The following GLIS3 variants were observed in gnomAD, a reference collection of about 807,000 sequenced individuals.
GLIS3 encodes the protein GLIS family zinc finger 3.
GLIS3 carries 53 observed loss-of-function variants against 78.6 expected under a neutral mutation model. The ratio of observed to expected loss-of-function variants is 0.67; its 90% confidence interval spans 0.54 to 0.85. The LOEUF (loss-of-function observed/expected upper bound fraction) is 0.85, where lower values mean the gene tolerates loss of function less well. Ranked by LOEUF, GLIS3 falls within the 40% of genes least tolerant of loss-of-function variation. The pLI is 0.00. For missense variants in GLIS3, 1,703 were observed against 1,231.1 expected (o/e 1.38, Z -5.74); for synonymous variants, 684 against 509.9 (o/e 1.34, Z -4.60).
the GLIS3 span, among the ~76,000 whole-genome samples, chr9:4,376,344 G>C: frequency 6.6e-6 from 1 of 152,184 alleles, no homozygotes; most frequent in Non-Finnish European, 1.5e-5. Context: ...TTCAGAGGCT[G>C]AAGATTGTTT....
intron 2 of GLIS3, among the ~76,000 whole-genome samples, chr9:4,208,438 G>C (rs993568720): frequency 3.3e-5 from 5 of 152,206 alleles, no homozygotes; most frequent in Non-Finnish European, 5.9e-5. Flanking sequence ...ACAGCTTCCA[G>C]AGAGTGGTCT....
intron 2 of GLIS3, among the ~76,000 whole-genome samples, chr9:4,220,914 G>C (rs1821277705): frequency 1.3e-5 from 2 of 152,102 alleles, no homozygotes; most frequent in Admixed American, 6.6e-5. Context: ...AAGCCCAGGA[G>C]GTGGAGGTTG....
At chr9:4,300,208 TCACACACACACACACACACA>T (rs35733770), upstream of GLIS3, among the ~76,000 whole-genome samples, 188 of 143,050 alleles carry the variant, frequency 1.3e-3, 3 homozygotes, top group African/African-American at 3.7e-3. Context: ...CTTGACGCAT[TCACACACACACACACACACA>T]CACACACACA....
rs989852600 is a variant in GLIS3, at chr9:4,198,388, C to A, written c.389-72447G>T. Reference sequence around the variant, plus strand: ...TAATTCTAACTCTAGAAGTAGAAAACTCACTTAAGGAATTACAAAATACAA... The same window carrying A: ...TAATTCTAACTCTAGAAGTAGAAAAATCACTTAAGGAATTACAAAATACAA... On this transcript the variant is annotated intron_variant, in intron 2 of 10. Coordinates refer to ENST00000381971, the MANE Select transcript of GLIS3 (RefSeq NM_001042413.2). Among the ~76,000 whole-genome samples, 6 of 152,150 alleles carry A rather than the reference C, an allele frequency of 3.9e-5. No individual in the cohort carries two copies. In the South Asian group the frequency reaches 1.2e-3, roughly 32 times the overall value.
intron 4 of GLIS3, among the ~76,000 whole-genome samples, chr9:4,111,435 A>G (rs934024583): frequency 6.6e-6 from 1 of 152,244 alleles, no homozygotes. Flanking sequence ...GACAAAGTTC[A>G]TGAAAGGTCA....
At chr9:4,150,000 G>A (rs1348608272) in intron 2 of GLIS3, among the ~76,000 whole-genome samples, 1 of 152,186 alleles carries the variant, frequency 6.6e-6, no homozygotes, top group Non-Finnish European at 1.5e-5. Context: ...ATATATGTTA[G>A]GAATATAAGA....
At chr9:4,294,399 C>G (rs888959255) in intron 1 of GLIS3, among the ~76,000 whole-genome samples, 6 of 152,054 alleles carry the variant, frequency 3.9e-5, no homozygotes, top group African/African-American at 1.4e-4. Flanking sequence ...ATCCCAACTA[C>G]TTGGGAGGCT....
the GLIS3 span, among the ~76,000 whole-genome samples, chr9:4,430,580 A>G: frequency 6.6e-6 from 1 of 152,370 alleles, no homozygotes; most frequent in East Asian, 1.9e-4. Flanking sequence ...GTTAATTTAT[A>G]ACTGGCTTTA....
At chr9:4,304,952 T>C (rs959444745), upstream of GLIS3, among the ~76,000 whole-genome samples, 11 of 152,186 alleles carry the variant, frequency 7.2e-5, no homozygotes, top group Non-Finnish European at 1.5e-4. Flanking sequence ...AAATGACCAA[T>C]TGCCCCCAAA....
At chr9:4,425,694 G>A in the GLIS3 span, among the ~76,000 whole-genome samples, 3 of 152,212 alleles carry the variant, frequency 2.0e-5, no homozygotes, top group Non-Finnish European at 4.4e-5. Flanking sequence ...AGAAGCTCCA[G>A]TTCCTGCTGA....
chr9:4,127,390 A>C (rs1832652389), intron 2 of GLIS3, among the ~76,000 whole-genome samples: 1 of 152,170 alleles, frequency 6.6e-6, no homozygotes, highest in African/African-American at 2.4e-5. Flanking sequence ...TTTCTTTCCC[A>C]GATACATAAA....
chr9:4,452,582 G>A, the GLIS3 span, among the ~76,000 whole-genome samples: 8 of 151,996 alleles, frequency 5.3e-5, no homozygotes, highest in Non-Finnish European at 8.8e-5. Flanking sequence ...GCTACAAAGA[G>A]GACAAAATAC....
intron 4 of GLIS3, among the ~76,000 whole-genome samples, chr9:4,096,842 T>C (rs1829991411): frequency 6.6e-6 from 1 of 151,974 alleles, no homozygotes; most frequent in South Asian, 2.1e-4. Context: ...CAAAATTCCG[T>C]CTCTACTAAA....
At chr9:3,865,041 G>A (rs1262306625) in intron 8 of GLIS3, among the ~76,000 whole-genome samples, 1 of 152,124 alleles carries the variant, frequency 6.6e-6, no homozygotes, top group East Asian at 1.9e-4. Flanking sequence ...TATTATATTT[G>A]CACAGCTTCT....
chr9:3,899,901 C>T (rs7031649), intron 6 of GLIS3, among the ~76,000 whole-genome samples: 20,934 of 151,932 alleles, frequency 0.14, 1,657 homozygotes, highest in Non-Finnish European at 0.17. Context: ...TGCGGAGAAG[C>T]GAGACAGTGA....
At chr9:4,336,984 C>G (rs1817765674) in intron 2 of GLIS3, among the ~76,000 whole-genome samples, 1 of 152,072 alleles carries the variant, frequency 6.6e-6, no homozygotes. Context: ...ATATAAATGA[C>G]TAATAAATAT....
the GLIS3 span, among the ~76,000 whole-genome samples, chr9:4,455,382 G>A: frequency 1.3e-5 from 2 of 152,096 alleles, no homozygotes; most frequent in African/African-American, 2.4e-5. Context: ...GAGTTTATGT[G>A]GCTGCAACCT....
chr9:4,092,979 A>G (rs1588654417), intron 4 of GLIS3, among the ~76,000 whole-genome samples: 1 of 152,204 alleles, frequency 6.6e-6, no homozygotes, highest in East Asian at 1.9e-4. Flanking sequence ...ATGATGTGAC[A>G]TTAGCAATGA....
chr9:4,284,883 T>A (rs1466558632), intron 2 of GLIS3, among the ~76,000 whole-genome samples: 1 of 152,104 alleles, frequency 6.6e-6, no homozygotes, highest in Non-Finnish European at 1.5e-5. Flanking sequence ...CATGCCACTG[T>A]ACTCCAGCCT....
Sources: allele counts gnomAD v4.1 joint callset (sites outside exome capture counted in the v4.1 genomes callset), GRCh38; gene constraint gnomAD v4.1.1; transcripts MANE v1.5; gene names NCBI Gene and HGNC (gene_info 2026-07-23, HGNC 2026-07-21).